TCTN3: variants seen among roughly 807,000 people sequenced by gnomAD.
The protein encoded by TCTN3 is tectonic family member 3.
TCTN3 carries 57 observed loss-of-function variants against 71.3 expected under a neutral mutation model. The observed-to-expected ratio is 0.80, with a 90% confidence interval of 0.65 to 1.00. The LOEUF is 1.00. TCTN3 is among the 50% of genes least tolerant of loss of function. TCTN3 has a pLI of 0.00. For missense variants in TCTN3, 696 were observed against 719.9 expected, an observed-to-expected ratio of 0.97 and a Z score of 0.38; for synonymous variants, 258 against 267.8, an observed-to-expected ratio of 0.96 and a Z score of 0.36.
At chr10:95,689,284 T>C (rs1322340052) in intron 3 of TCTN3, among the ~76,000 whole-genome samples, 6 of 152,332 alleles carry the variant, frequency 3.9e-5, no homozygotes, top group Non-Finnish European at 7.3e-5. Flanking sequence ...AACATCTTCA[T>C]GTTAACAAGA....
rs570112991 is a variant in TCTN3 at position 95,674,685 on chromosome 10, T to C, written c.1590+5787A>G. On this transcript the variant is annotated intron_variant, in intron 13 of 13. Coordinates refer to ENST00000371217, the MANE Select transcript of TCTN3 (RefSeq NM_015631.6). ...CAGACTCCTATCCAAAAACATAAAC[T>C]GTATCTGTATGTTATATCTACAAGT... is the stretch of plus-strand genomic sequence containing the variant. 7.4e-4 allele frequency among the ~76,000 whole-genome samples: 113 copies of C among 152,332 alleles called. 1 individual carries two copies. Among genetic ancestry groups the C allele is most frequent in the African/African-American group, 2.6e-3 (108 of 41,580 alleles).
intron 3 of TCTN3, among the ~76,000 whole-genome samples, chr10:95,692,593 AG>A (rs2097954537): frequency 6.8e-6 from 1 of 146,974 alleles, no homozygotes; most frequent in Admixed American, 6.8e-5. Context: ...AAAAAAAAAA[AG>A]TTTAAAAAAA....
intron 13 of TCTN3, among the ~76,000 whole-genome samples, chr10:95,672,160 T>TTGTGTGTGTGTG (rs10525130): frequency 0.1 from 14,269 of 139,666 alleles, 1,000 homozygotes; most frequent in Middle Eastern, 0.21. Context: ...ATTATTATTA[T>TTGTGTGTGTGTG]TGTGTGTGTG....
Position 95,672,160 on chromosome 10 carries a change from T to TTG in TCTN3, c.1591-7862_1591-7861dup, listed in dbSNP as rs10525130. Among the ~76,000 whole-genome samples the TTG allele has an allele frequency of 2.3e-4, 32 of 139,568 alleles. 1 individual carries two copies. The highest frequency in any genetic ancestry group is 3.8e-4 in the Non-Finnish European group (25 of 64,946). 91.6% of individuals were successfully genotyped at this position (139,568 alleles called of 152,430 possible). A position where few individuals can be genotyped will look rare whatever the true frequency, so the allele number is the denominator to read the frequency against. Reference sequence around the variant, plus strand: ...TATCATTAAAAATTAATTATTATTATTGTGTGTGTGTGTCTGGCTTCTTTC... The same window carrying TTG: ...TATCATTAAAAATTAATTATTATTATTGTGTGTGTGTGTGTCTGGCTTCTTTC... On this transcript the variant is annotated intron_variant, in intron 13 of 13. Transcript: ENST00000371217.
At position 95,685,544 on chromosome 10, in the gene TCTN3, C is replaced by T; in HGVS notation, c.969+12G>A. 6.5e-7 allele frequency: 1 copy of T among 1,546,490 alleles called. No homozygotes were observed. ...CACACATCAGTCCAGAATCTGAGGT[C>T]AGTATCCCTACCTGAGAAACTACAT... On this transcript the variant is annotated intron_variant, in intron 8 of 13. Transcript: ENST00000371217.
intron 13 of TCTN3, among the ~76,000 whole-genome samples, chr10:95,666,203 A>G (rs2097925497): frequency 6.6e-6 from 1 of 151,008 alleles, no homozygotes; most frequent in Non-Finnish European, 1.5e-5. Context: ...GGCCTCCCAA[A>G]GTGCTGGGAT....
At chr10:95,674,807 C>T (rs1035014133) in intron 13 of TCTN3, among the ~76,000 whole-genome samples, 6 of 149,516 alleles carry the variant, frequency 4.0e-5, no homozygotes, top group African/African-American at 9.9e-5. Flanking sequence ...AGTGACAGAG[C>T]GAGACCCCAT....
At chr10:95,665,217 T>G (rs1001810794) in intron 13 of TCTN3, among the ~76,000 whole-genome samples, 2 of 152,128 alleles carry the variant, frequency 1.3e-5, no homozygotes, top group African/African-American at 4.8e-5. Context: ...CAAGTGATCC[T>G]CCTGCCTCAG....
Position 95,664,291 on chromosome 10 carries a change from G to A in TCTN3, c.1600C>T (p.Gln534Ter). 6 of 1,613,918 alleles carry A rather than the reference G, an allele frequency of 3.7e-6. No individual in the cohort carries two copies. Among genetic ancestry groups the A allele is most frequent in the Non-Finnish European group, 5.1e-6 (6 of 1,179,812 alleles). The change falls in exon 14 of 14, where the codon CAA (glutamine) becomes TAA (stop). Residue 534 changes from glutamine to a stop codon, truncating the protein, a stop_gained. Coordinates refer to ENST00000371217, the MANE Select transcript of TCTN3 (RefSeq NM_015631.6). LOFTEE classifies it high-confidence loss of function. ...GTTGTCAAAGATACTTCTGTAACTT[G>A]CTGAGAATCCTACGGGAAGAAAGTC... The part of the protein sequence containing the change: ...YQCQSIQDSQ[Q>*]VTEVSLTTLV...
rs2097946417 is a variant in TCTN3, at chr10:95,684,567, A to G, written c.1027T>C (p.Leu343=). The change falls in exon 9 of 14, where the codon TTG becomes CTG. Residue 343 remains leucine (L), a synonymous_variant. Transcript: ENST00000371217. The stretch of plus-strand genomic sequence containing the variant: ...TCAACAGTCAGGTTGGTTTGTCCCA[A>G]ACTGACAGAAACTTTCTGGATTCCA... ...TFGIQKVSVS[L]GQTNLTVEPG... The G allele has an allele frequency of 6.2e-7, 1 of 1,614,094 alleles. No homozygotes were observed. Among genetic ancestry groups the G allele is most frequent in the Admixed American group, 1.7e-5 (1 of 60,016 alleles).
At chr10:95,685,724 T>C in intron 7 of TCTN3, 88 bp from the exon 8 acceptor site, 1 of 1,074,790 alleles carries the variant, frequency 9.3e-7, no homozygotes, top group South Asian at 1.5e-5. Flanking sequence ...AGATGAGTAT[T>C]TTTCCTTCCC....
At chr10:95,669,792 G>A (rs1014003026) in intron 13 of TCTN3, among the ~76,000 whole-genome samples, 2 of 152,064 alleles carry the variant, frequency 1.3e-5, no homozygotes, top group African/African-American at 2.4e-5. Context: ...GGCCGGGCGC[G>A]GTGGCTCACG....
chr10:95,690,672 A>C (rs2097952685), intron 3 of TCTN3, among the ~76,000 whole-genome samples: 2 of 152,246 alleles, frequency 1.3e-5, no homozygotes, highest in African/African-American at 4.8e-5. Context: ...ACTAAGTTGG[A>C]TCAAATAGGA....
At chr10:95,675,598 G>C (rs1328430848) in intron 13 of TCTN3, among the ~76,000 whole-genome samples, 2 of 152,302 alleles carry the variant, frequency 1.3e-5, no homozygotes, top group Admixed American at 1.3e-4. Context: ...GTGGTTGACT[G>C]ATCCTTGTGA....
intron 13 of TCTN3, among the ~76,000 whole-genome samples, chr10:95,677,487 T>TTTTTTTTTTTTTTTTTTTTTTTTTTC (rs2097938472): frequency 1.3e-5 from 1 of 79,494 alleles, no homozygotes; most frequent in African/African-American, 5.2e-5. Context: ...TTTTTTGTTT[T>TTTTTTTTTTTTTTTTTTTTTTTTTTC]TTTTTTTTTT....
At chr10:95,688,397 G>GAAAAAAAAAAAAAAAAAAAAAA (rs60722894) in intron 3 of TCTN3, among the ~76,000 whole-genome samples, 2 of 104,592 alleles carry the variant, frequency 1.9e-5, no homozygotes, top group Admixed American at 1.2e-4. Context: ...TCAAAAAAAA[G>GAAAAAAAAAAAAAAAAAAAAAA]AAAAAAAAAA....
At position 95,693,639 on chromosome 10, in the gene TCTN3, C is replaced by T. The variant is rs1266349620; in HGVS notation, c.256+5G>A. The T allele has an allele frequency of 2.6e-6, 4 of 1,549,432 alleles. No individual in the cohort carries two copies. The highest frequency in any genetic ancestry group is 1.7e-4 in the Middle Eastern group (1 of 5,972). On this transcript the variant is annotated splice_donor_5th_base_variant and intron_variant, in intron 1 of 13. Coordinates refer to ENST00000371217, the MANE Select transcript of TCTN3 (RefSeq NM_015631.6). ...AGTTTCCACCCCCACAACGTTTTCC[C>T]TCACCTGGGAAGAGGTCCACAGTCC... is the stretch of plus-strand genomic sequence containing the variant.
intron 13 of TCTN3, 21 bp downstream of exon 13, chr10:95,680,451 C>T (rs1225771013): frequency 2.5e-6 from 4 of 1,593,504 alleles, no homozygotes; most frequent in African/African-American, 2.7e-5. Flanking sequence ...GTTTAGTGAT[C>T]CTTTATGAGC....
intron 3 of TCTN3, among the ~76,000 whole-genome samples, chr10:95,688,995 A>C (rs2097951261): frequency 6.6e-6 from 1 of 152,242 alleles, no homozygotes; most frequent in African/African-American, 2.4e-5. Context: ...AAGAGGTTAC[A>C]ATACCTGCAT....
Sources: gnomAD v4.1 joint callset for allele counts (sites outside exome capture counted in the v4.1 genomes callset) on GRCh38, gnomAD v4.1.1 for gene constraint, MANE v1.5 for transcripts, NCBI Gene and HGNC (gene_info 2026-07-23, HGNC 2026-07-21) for gene names.